The following PRKN variants were observed in gnomAD, a reference collection of about 807,000 sequenced individuals.
The protein encoded by PRKN is E3 ubiquitin-protein ligase parkin.
In PRKN, 56 loss-of-function variants were observed where a neutral mutation model predicts 59.5. That is an observed-to-expected ratio of 0.94 (90% CI 0.76 to 1.18). The LOEUF (loss-of-function observed/expected upper bound fraction) is 1.18. Ranked by LOEUF, PRKN falls within the 50% of genes most tolerant of loss-of-function variation. The pLI, the probability that PRKN is intolerant of heterozygous loss-of-function variation, is 0.00. For missense variants in PRKN, 657 were observed against 596.4 expected, an observed-to-expected ratio of 1.10 and a Z score of -1.06; for synonymous variants, 250 against 222.1, an observed-to-expected ratio of 1.13 and a Z score of -1.12.
chr6:162,475,468 G>A (rs1791956432), intron 1 of PRKN, among the ~76,000 whole-genome samples: 1 of 110,490 alleles, frequency 9.1e-6, no homozygotes, highest in African/African-American at 3.2e-5. Context: ...CAGCAGACAT[G>A]TTGTTACTGG....
intron 2 of PRKN, among the ~76,000 whole-genome samples, chr6:162,373,137 A>G (rs560442713): frequency 8.2e-4 from 115 of 140,728 alleles, no homozygotes; most frequent in African/African-American, 3.0e-3. Context: ...CTGGAACAGA[A>G]TATTTGGAAA....
At chr6:162,064,156 G>C (rs139655799) in intron 4 of PRKN, among the ~76,000 whole-genome samples, 2 of 152,260 alleles carry the variant, frequency 1.3e-5, no homozygotes, top group African/African-American at 4.8e-5. Flanking sequence ...AAAGGAGCTG[G>C]CCATAGAAAA....
At chr6:162,184,953 A>C (rs6914284) in intron 4 of PRKN, among the ~76,000 whole-genome samples, 89,572 of 151,854 alleles carry the variant, frequency 0.59, 26,740 homozygotes, top group South Asian at 0.68. Flanking sequence ...ACAAAACTGT[A>C]ATCTTAAAAT....
chr6:162,527,063 C>G (rs1778317343), intron 1 of PRKN, among the ~76,000 whole-genome samples: 1 of 152,180 alleles, frequency 6.6e-6, no homozygotes, highest in African/African-American at 2.4e-5. Flanking sequence ...ACAGGATTTA[C>G]TCTACAAAAC....
chr6:161,420,960 G>T (rs1192001561), intron 9 of PRKN, among the ~76,000 whole-genome samples: 2 of 152,140 alleles, frequency 1.3e-5, no homozygotes, highest in Admixed American at 6.5e-5. Context: ...CACAGAGCTT[G>T]CTTCTCTGAA....
intron 1 of PRKN, among the ~76,000 whole-genome samples, chr6:162,633,476 G>A (rs1048057866): frequency 6.9e-6 from 1 of 144,214 alleles, no homozygotes; most frequent in Non-Finnish European, 1.5e-5. Context: ...TTTAGTCACT[G>A]GGAAGGGAGG....
chr6:162,472,727 A>G (rs1212001850), intron 1 of PRKN, among the ~76,000 whole-genome samples: 2 of 120,950 alleles, frequency 1.7e-5, no homozygotes, highest in Non-Finnish European at 3.6e-5. Context: ...TCCTGACCTC[A>G]TGATCCACCC....
intron 1 of PRKN, among the ~76,000 whole-genome samples, chr6:162,505,125 G>A (rs531385046): frequency 6.6e-6 from 1 of 152,170 alleles, no homozygotes; most frequent in Admixed American, 6.5e-5. Context: ...ACCAGATAGA[G>A]AGAAATGTGT....
At chr6:162,474,381 T>A (rs1791901980) in intron 1 of PRKN, among the ~76,000 whole-genome samples, 1 of 152,040 alleles carries the variant, frequency 6.6e-6, no homozygotes, top group Non-Finnish European at 1.5e-5. Flanking sequence ...TATATTTGAA[T>A]GCTTTTTTTT....
chr6:161,496,830 G>C (rs60678718), intron 9 of PRKN, among the ~76,000 whole-genome samples: 15,520 of 152,194 alleles, frequency 0.1, 1,154 homozygotes, highest in African/African-American at 0.21. Flanking sequence ...GCAGAGACTG[G>C]AGTGACACAG....
At chr6:162,666,686 AGG>A (rs1374834388) in intron 1 of PRKN, among the ~76,000 whole-genome samples, 3 of 152,146 alleles carry the variant, frequency 2.0e-5, no homozygotes, top group Non-Finnish European at 4.4e-5. Context: ...AATTATGTCA[AGG>A]TTTAAAAATA....
chr6:162,236,305 A>T (rs1778708077), intron 3 of PRKN, among the ~76,000 whole-genome samples: 1 of 152,202 alleles, frequency 6.6e-6, no homozygotes, highest in Admixed American at 6.5e-5. Context: ...AGAAATGCTT[A>T]TTGGTTAAAT....
chr6:161,481,500 A>G (rs1023587879), intron 9 of PRKN, among the ~76,000 whole-genome samples: 1 of 152,050 alleles, frequency 6.6e-6, no homozygotes, highest in Admixed American at 6.6e-5. Context: ...GCTACTCCGG[A>G]GGCTGAGGCA....
rs557363167 is a variant in PRKN at position 161,993,490 on chromosome 6, G to A, written c.619-20073C>T. Among the ~76,000 whole-genome samples the A allele has an allele frequency of 3.9e-5, 6 of 152,156 alleles. No homozygotes were observed. The South Asian group carries it at 1.2e-3, about 32-fold the overall frequency. On this transcript the variant is annotated intron_variant, in intron 5 of 11. Coordinates refer to ENST00000366898, the MANE Select transcript of PRKN (RefSeq NM_004562.3). ...AACAAGGAAAGGTCCAGGACAAGAC[G>A]GATTAACTGCAGAATTCTATCAAAT...
chr6:162,405,492 G>A (rs750141738), intron 2 of PRKN, among the ~76,000 whole-genome samples: 1 of 152,096 alleles, frequency 6.6e-6, no homozygotes, highest in Non-Finnish European at 1.5e-5. Context: ...TCTAGTCCAC[G>A]GTGTGTGGTG....
chr6:161,857,690 T>TA, intron 6 of PRKN, among the ~76,000 whole-genome samples: 1 of 152,290 alleles, frequency 6.6e-6, no homozygotes, highest in South Asian at 2.1e-4. Context: ...CAACTCAGTT[T>TA]AAAAAATAAC....
intron 8 of PRKN, among the ~76,000 whole-genome samples, chr6:161,558,562 C>CAA (rs150088657): frequency 0.013 from 1,528 of 118,942 alleles, 33 homozygotes; most frequent in African/African-American, 0.043. Flanking sequence ...GAGACTTTCT[C>CAA]AAAAAAAAAA....
At chr6:162,340,359 G>A (rs895089032) in intron 2 of PRKN, among the ~76,000 whole-genome samples, 7 of 152,078 alleles carry the variant, frequency 4.6e-5, no homozygotes, top group Non-Finnish European at 8.8e-5. Flanking sequence ...AAAATTGGAT[G>A]AAAAAAGTGA....
intron 9 of PRKN, among the ~76,000 whole-genome samples, chr6:161,520,748 T>C (rs965618449): frequency 1.3e-5 from 2 of 152,194 alleles, no homozygotes; most frequent in African/African-American, 2.4e-5. Context: ...TTTATTATGA[T>C]AAAAGAGAAA....
Sources: allele counts gnomAD v4.1 joint callset (sites outside exome capture counted in the v4.1 genomes callset), GRCh38; gene constraint gnomAD v4.1.1; transcripts MANE v1.5; gene names NCBI Gene and HGNC (gene_info 2026-07-23, HGNC 2026-07-21).